The following EVL variants were observed in gnomAD, a reference collection of about 807,000 sequenced individuals.
EVL encodes the protein ena/VASP-like protein.
A neutral mutation model predicts 59.6 loss-of-function variants in EVL; 21 were observed. The observed-to-expected ratio is 0.35, with a 90% CI of 0.25 to 0.51. The LOEUF is 0.51. Among genes scored for constraint, EVL ranks in the 20% least tolerant of loss-of-function variants. The probability of loss-of-function intolerance (pLI) is 0.97; values close to 1 mark genes in which losing one functional copy is unlikely to be tolerated. For synonymous variants in EVL, 198 were observed against 203.5 expected, an observed-to-expected ratio of 0.97 and a Z score of 0.23; for missense variants, 462 against 546.6, an observed-to-expected ratio of 0.85 and a Z score of 1.54.
chr14:100,137,659 G>A lies in EVL; in HGVS notation c.1031+15G>A. On this transcript the variant is annotated intron_variant, in intron 10 of 13. Transcript: ENST00000392920. ...ATTCTGTCCAGGTGAGCTGCCCCAGGAAGGCCTGAGCAGCGAGGCTGGTGG... is the reference window on the plus strand; with the variant it reads ...ATTCTGTCCAGGTGAGCTGCCCCAGAAAGGCCTGAGCAGCGAGGCTGGTGG... The A allele has an allele frequency of 6.2e-7, 1 of 1,614,180 alleles. No homozygotes were observed. Among genetic ancestry groups the A allele is most frequent in the African/African-American group, 1.3e-5 (1 of 75,072 alleles).
chr14:100,094,852 T>C (rs1352090054), intron 2 of EVL, among the ~76,000 whole-genome samples: 1 of 152,012 alleles, frequency 6.6e-6, no homozygotes, highest in African/African-American at 2.4e-5. Flanking sequence ...CCATCCCAGC[T>C]AACACAGTGA....
rs191351851 is a variant in EVL, at chr14:100,041,148, C to T, written c.6-43539C>T. On this transcript the variant is annotated intron_variant, in intron 1 of 13. Transcript: ENST00000402714. ...TTGTTAACAATAAGTGTTCCTCTTC[C>T]CCCATTCCTTTTAACTCCAAACCTA... Among the ~76,000 whole-genome samples, 173 of 152,192 alleles carry T rather than the reference C, an allele frequency of 1.1e-3. 1 individual carries two copies. Among genetic ancestry groups the T allele is most frequent in the Middle Eastern group, 6.8e-3 (2 of 294 alleles).
intron 1 of EVL, among the ~76,000 whole-genome samples, chr14:100,058,166 A>G (rs879420320): frequency 6.6e-5 from 10 of 152,328 alleles, no homozygotes; most frequent in Admixed American, 5.9e-4. Flanking sequence ...TAGATCTCCT[A>G]AGTAGAGTGT....
At chr14:100,043,705 TG>T (rs1332016411) in intron 1 of EVL, among the ~76,000 whole-genome samples, 1 of 150,644 alleles carries the variant, frequency 6.6e-6, no homozygotes, top group Non-Finnish European at 1.5e-5. Flanking sequence ...CTCATGCTCC[TG>T]GGCTCAAGCA....
intron 1 of EVL, among the ~76,000 whole-genome samples, chr14:99,973,716 G>A (rs2060751009): frequency 6.6e-6 from 1 of 152,270 alleles, no homozygotes; most frequent in Non-Finnish European, 1.5e-5. Flanking sequence ...ACCCGCCTTG[G>A]CCTCCCAAAC....
chr14:100,035,328 C>T (rs1226700577), intron 1 of EVL, among the ~76,000 whole-genome samples: 1 of 81,244 alleles, frequency 1.2e-5, no homozygotes, highest in African/African-American at 4.8e-5. Context: ...TTTCATTCAA[C>T]AGTGTATGTG....
chr14:100,009,030 AC>A (rs907277432), intron 1 of EVL, among the ~76,000 whole-genome samples: 5 of 152,250 alleles, frequency 3.3e-5, no homozygotes, highest in African/African-American at 1.2e-4. Flanking sequence ...GAAACAAAAC[AC>A]GTTTACCTCA....
At chr14:100,064,944 G>A (rs1330123519), upstream of EVL, among the ~76,000 whole-genome samples, 2 of 152,142 alleles carry the variant, frequency 1.3e-5, no homozygotes, top group African/African-American at 4.8e-5. Context: ...TCAGCTTATA[G>A]CCTTTATCAT....
rs1567016307 is a variant in EVL, at chr14:100,097,565, G to A, written c.265G>A (p.Val89Ile). The A allele has an allele frequency of 6.2e-7, 1 of 1,614,220 alleles. No homozygotes were observed. Residue 89 changes from valine to isoleucine, a missense_variant, in exon 3 of 14, where the codon GTC becomes ATC. Transcript: ENST00000392920. ...CCACCAGTGGCGAGATGCCCGCCAG[G>A]TCTACGGCTTAAACTTTGCAAGTAA... Reference protein sequence around the residue: ...TFHQWRDARQVYGLNFASKEE... With the variant: ...TFHQWRDARQIYGLNFASKEE...
chr14:99,998,690 A>G lies in EVL; in HGVS notation c.5+26633A>G, dbSNP rs559747689. On this transcript the variant is annotated intron_variant, in intron 1 of 13. Coordinates refer to the EVL transcript ENST00000402714. ...CATGATTCCAAATTTTTTTTATACAAACATATATACAGATAAAAGCATAAT... is the reference window on the plus strand; with the variant it reads ...CATGATTCCAAATTTTTTTTATACAGACATATATACAGATAAAAGCATAAT... Among the ~76,000 whole-genome samples the G allele has an allele frequency of 1.4e-4, 21 of 152,298 alleles. No individual in the cohort carries two copies. The East Asian group carries it at 3.9e-3, about 28-fold the overall frequency.
intron 1 of EVL, among the ~76,000 whole-genome samples, chr14:100,000,929 A>C (rs1477591189): frequency 6.6e-6 from 1 of 152,252 alleles, no homozygotes; most frequent in South Asian, 2.1e-4. Context: ...CATGGCTAGG[A>C]TGGTTTATTC....
At chr14:100,016,999 C>T (rs2061056234) in intron 1 of EVL, among the ~76,000 whole-genome samples, 1 of 152,218 alleles carries the variant, frequency 6.6e-6, no homozygotes, top group South Asian at 2.1e-4. Context: ...CTTCTGGAGG[C>T]AGCCTGAGCT....
chr14:100,121,771 G>A (rs1315954192), intron 3 of EVL, among the ~76,000 whole-genome samples: 5 of 152,162 alleles, frequency 3.3e-5, no homozygotes. Flanking sequence ...CTGCCATCGG[G>A]GTCCTGACAA....
chr14:100,076,903 T>A (rs1378095285), intron 1 of EVL, among the ~76,000 whole-genome samples: 1 of 152,218 alleles, frequency 6.6e-6, no homozygotes, highest in Non-Finnish European at 1.5e-5. Context: ...TCATGCCACA[T>A]GGGGTCAGGT....
intron 3 of EVL, among the ~76,000 whole-genome samples, chr14:100,115,078 A>T (rs557930710): frequency 2.3e-4 from 35 of 152,148 alleles, no homozygotes; most frequent in African/African-American, 8.4e-4. Flanking sequence ...TGCTCAGTAA[A>T]CCATTAAGCA....
chr14:100,129,316 C>G (rs7157228), intron 6 of EVL, among the ~76,000 whole-genome samples: 11,616 of 152,024 alleles, frequency 0.076, 951 homozygotes, highest in African/African-American at 0.2. Context: ...AGACACTAAC[C>G]ATGAGTCTGC....
chr14:100,077,811 C>G (rs1282600956), intron 1 of EVL, among the ~76,000 whole-genome samples: 3 of 152,116 alleles, frequency 2.0e-5, no homozygotes, highest in Non-Finnish European at 4.4e-5. Context: ...CTGGCTCTGT[C>G]GCCCAGGCTA....
Position 100,137,573 on chromosome 14 carries a change from G to T in EVL, c.965-5G>T, listed in dbSNP as rs143859818. On this transcript the variant is annotated splice_region_variant and splice_polypyrimidine_tract_variant and intron_variant, in intron 9 of 13. Transcript: ENST00000392920. The stretch of plus-strand genomic sequence containing the variant: ...AGGTTCTTCATCCATGAAATGAACT[G>T]ACAGAGGCTGGCCGGAAGCCCTGGG... 82 of 1,613,838 alleles carry T rather than the reference G, an allele frequency of 5.1e-5. 2 individuals carry two copies. The African/African-American group carries it at 8.4e-4, about 17-fold the overall frequency.
At chr14:100,019,615 A>G (rs2061085473) in intron 1 of EVL, 1 of 1,506,650 alleles carries the variant, frequency 6.6e-7, no homozygotes, top group Non-Finnish European at 8.9e-7. Context: ...GTTGTCCTCC[A>G]TACCAAAAAG....
Sources: gnomAD v4.1 joint callset for allele counts (sites outside exome capture counted in the v4.1 genomes callset) on GRCh38, gnomAD v4.1.1 for gene constraint, MANE v1.5 for transcripts, NCBI Gene and HGNC (gene_info 2026-07-23, HGNC 2026-07-21) for gene names.